INSYN2B: variants seen among roughly 807,000 people sequenced by gnomAD.
The protein encoded by INSYN2B is inhibitory synaptic factor family member 2B.
Under a neutral mutation model 41.2 loss-of-function variants are expected in INSYN2B, and 16 were observed. The ratio of observed to expected loss-of-function variants is 0.39; its 90% confidence interval spans 0.26 to 0.59. The LOEUF (loss-of-function observed/expected upper bound fraction) is 0.59. Among genes scored for constraint, INSYN2B ranks in the 20% least tolerant of loss-of-function variants. The pLI, the probability that INSYN2B is intolerant of heterozygous loss-of-function variation, is 0.57. For missense variants in INSYN2B, 608 were observed against 646.4 expected (o/e 0.94, Z 0.64); for synonymous variants, 245 against 244.4 (o/e 1.00, Z -0.02).
intron 1 of INSYN2B, among the ~76,000 whole-genome samples, chr5:169,968,058 G>A (rs1777368122): frequency 6.6e-6 from 1 of 152,174 alleles, no homozygotes; most frequent in South Asian, 2.1e-4. Flanking sequence ...GTTGGATGCT[G>A]GATGCATAAG....
At chr5:169,958,539 A>G (rs115207098) in intron 1 of INSYN2B, among the ~76,000 whole-genome samples, 2 of 152,178 alleles carry the variant, frequency 1.3e-5, no homozygotes, top group South Asian at 4.2e-4. Flanking sequence ...TTTCCGTCTT[A>G]CTATTAAAAT....
In INSYN2B at chr5:169,864,236, C is replaced by T. The variant is rs541149170; in HGVS notation, c.*37G>A. The T allele has an allele frequency of 9.5e-5, 145 of 1,519,208 alleles. No individual in the cohort carries two copies. Among genetic ancestry groups the T allele is most frequent in the Non-Finnish European group, 1.2e-4 (135 of 1,117,724 alleles). 94.1% of individuals were successfully genotyped at this position (1,519,208 alleles called of 1,614,324 possible). A position where few individuals can be genotyped will look rare whatever the true frequency, so the allele number is the denominator to read the frequency against. On this transcript the variant is annotated 3_prime_UTR_variant, in exon 4 of 4. Coordinates refer to ENST00000377365, the MANE Select transcript of INSYN2B (RefSeq NM_001129891.3). ...GTGGATTTCCCATCTCAGGGAAGTG[C>T]GTGGAGTTGGGGGGCTGGGGGATGG...
intron 1 of INSYN2B, among the ~76,000 whole-genome samples, chr5:169,969,111 C>G: frequency 6.6e-6 from 1 of 152,114 alleles, no homozygotes. Context: ...GATCATGCCA[C>G]TGCACTCACC....
intron 1 of INSYN2B, among the ~76,000 whole-genome samples, chr5:169,903,311 T>C (rs1019583291): frequency 9.0e-6 from 1 of 111,084 alleles, no homozygotes; most frequent in African/African-American, 3.7e-5. Context: ...ACAACAACAA[T>C]AAAAAAAAAA....
intron 1 of INSYN2B, among the ~76,000 whole-genome samples, chr5:169,939,578 G>C (rs1416306555): frequency 6.6e-6 from 1 of 152,012 alleles, no homozygotes. Flanking sequence ...TTTATATGAC[G>C]GGCAGCACAG....
Position 169,882,794 on chromosome 5 carries a change from C to G in INSYN2B, c.1105G>C (p.Glu369Gln), listed in dbSNP as rs1419825128. 6.4e-7 allele frequency: 1 copy of G among 1,551,672 alleles called. No individual in the cohort carries two copies. The highest frequency in any genetic ancestry group is 8.7e-7 in the Non-Finnish European group (1 of 1,146,946). Residue 369 changes from glutamate to glutamine, a missense_variant, in exon 2 of 4, where the codon GAG becomes CAG. Glu to Gln is a conservative substitution (Grantham distance 29, BLOSUM62 2). Transcript: ENST00000377365. ...ANNPTESDTL[E>Q]FPNCPGSNHL... Reference sequence around the variant, plus strand: ...TTACTTCCTGGACAATTTGGAAACTCCAGTGTGTCTGACTCGGTGGGGTTG... The same window carrying G: ...TTACTTCCTGGACAATTTGGAAACTGCAGTGTGTCTGACTCGGTGGGGTTG...
At chr5:169,925,479 C>T (rs1322311392) in intron 1 of INSYN2B, among the ~76,000 whole-genome samples, 5 of 147,256 alleles carry the variant, frequency 3.4e-5, no homozygotes, top group African/African-American at 5.0e-5. Context: ...ACTTGGGAGG[C>T]TGAGGCAGAA....
chr5:169,911,460 CCA>C (rs1218244980), intron 1 of INSYN2B, among the ~76,000 whole-genome samples: 1 of 152,160 alleles, frequency 6.6e-6, no homozygotes, highest in African/African-American at 2.4e-5. Context: ...CCCTCCATGT[CCA>C]GACTGGGGAT....
At chr5:169,875,593 C>G in intron 3 of INSYN2B, 1 of 232,702 alleles carries the variant, frequency 4.3e-6, no homozygotes, top group South Asian at 5.2e-5. Context: ...TCGCCTCTCT[C>G]AGCTTCAATT....
At chr5:169,908,819 A>G (rs1334957970) in intron 1 of INSYN2B, among the ~76,000 whole-genome samples, 1 of 149,536 alleles carries the variant, frequency 6.7e-6, no homozygotes, top group Non-Finnish European at 1.5e-5. Flanking sequence ...GGTTCAAGCA[A>G]TTCTCCTGCC....
intron 1 of INSYN2B, among the ~76,000 whole-genome samples, chr5:169,947,652 C>A (rs1231009474): frequency 6.6e-6 from 1 of 152,150 alleles, no homozygotes; most frequent in African/African-American, 2.4e-5. Flanking sequence ...AAATGAATAT[C>A]CCCAAAAATG....
chr5:169,948,613 A>ATTTTTTTTTTTTTTTTTTTTTTTT lies in INSYN2B; in HGVS notation c.-919+31663_-919+31664insAAAAAAAAAAAAAAAAAAAAAAAA, dbSNP rs772095719. 6.6e-5 allele frequency among the ~76,000 whole-genome samples: 9 copies of ATTTTTTTTTTTTTTTTTTTTTTTT among 135,942 alleles called. No individual in the cohort carries two copies. In the South Asian group the frequency reaches 2.0e-3, roughly 30 times the overall value. The allele number at this position is 135,942 out of a possible 152,430, so 89.2% of individuals were successfully genotyped here. A position where few individuals can be genotyped will look rare whatever the true frequency, so the allele number is the denominator to read the frequency against. ...TTCTTATTCCTTCCTTCCACAATTAATTTTTTTTTTTTTTTTTAGAGACAG... is the reference window on the plus strand; with the variant it reads ...TTCTTATTCCTTCCTTCCACAATTAATTTTTTTTTTTTTTTTTTTTTTTTTTTTTTTTTTTTTTTTTAGAGACAG... On this transcript the variant is annotated intron_variant, in intron 1 of 3. Coordinates refer to ENST00000377365, the MANE Select transcript of INSYN2B (RefSeq NM_001129891.3).
chr5:169,903,381 C>T (rs887854685), intron 1 of INSYN2B, among the ~76,000 whole-genome samples: 5 of 149,938 alleles, frequency 3.3e-5, no homozygotes, highest in Admixed American at 6.6e-5. Context: ...AAGAGGAAGT[C>T]GGGGTGCCGC....
At chr5:169,930,217 C>T (rs1775679834) in intron 1 of INSYN2B, among the ~76,000 whole-genome samples, 1 of 152,148 alleles carries the variant, frequency 6.6e-6, no homozygotes, top group Admixed American at 6.5e-5. Flanking sequence ...GTCTCAATCT[C>T]CTGACCTTGT....
chr5:169,967,145 G>A (rs1042215903), intron 1 of INSYN2B, among the ~76,000 whole-genome samples: 7 of 152,224 alleles, frequency 4.6e-5, no homozygotes, highest in Admixed American at 2.0e-4. Flanking sequence ...GGTGGACAGA[G>A]ATAGATAAAG....
intron 1 of INSYN2B, among the ~76,000 whole-genome samples, chr5:169,933,142 G>A (rs1465535370): frequency 6.6e-6 from 1 of 152,182 alleles, no homozygotes; most frequent in Non-Finnish European, 1.5e-5. Flanking sequence ...AAGGAGAAGG[G>A]TGTAGAAACT....
chr5:169,875,537 C>A, intron 3 of INSYN2B: 1 of 263,304 alleles, frequency 3.8e-6, no homozygotes, highest in Non-Finnish European at 7.7e-6. Context: ...CTGTGTTCTG[C>A]TGTGGCCGTT....
At chr5:169,951,838 G>A (rs1776679088) in intron 1 of INSYN2B, among the ~76,000 whole-genome samples, 1 of 152,130 alleles carries the variant, frequency 6.6e-6, no homozygotes, top group Admixed American at 6.5e-5. Flanking sequence ...AAACTGAGAA[G>A]CTGAAAATTT....
intron 1 of INSYN2B, among the ~76,000 whole-genome samples, chr5:169,941,035 G>A (rs1461183571): frequency 6.6e-6 from 1 of 152,212 alleles, no homozygotes; most frequent in Non-Finnish European, 1.5e-5. Flanking sequence ...CTGCCCTCAT[G>A]AAGTGTGCTT....
Sources: allele counts gnomAD v4.1 joint callset (sites outside exome capture counted in the v4.1 genomes callset), GRCh38; gene constraint gnomAD v4.1.1; transcripts MANE v1.5; gene names NCBI Gene and HGNC (gene_info 2026-07-23, HGNC 2026-07-21).